The following CEP57 variants were observed in gnomAD, a reference collection of about 807,000 sequenced individuals.
The protein encoded by CEP57 is centrosomal protein of 57 kDa.
A neutral mutation model predicts 68.0 loss-of-function variants in CEP57; 40 were observed. The observed-to-expected ratio is 0.59, with a 90% confidence interval of 0.46 to 0.77. The LOEUF (loss-of-function observed/expected upper bound fraction) is 0.77. CEP57 is among the 30% of genes least tolerant of loss of function. The probability of loss-of-function intolerance (pLI) is 0.00; values close to 1 mark genes in which losing one functional copy is unlikely to be tolerated. For missense variants in CEP57, 606 were observed against 580.7 expected, an observed-to-expected ratio of 1.04 and a Z score of -0.45; for synonymous variants, 219 against 198.7, an observed-to-expected ratio of 1.10 and a Z score of -0.86.
chr11:95,828,153 C>A, intron 9 of CEP57, 126 bp downstream of exon 9: 3 of 1,084,168 alleles, frequency 2.8e-6, no homozygotes, highest in Non-Finnish European at 4.0e-6. Context: ...ATCCTTATAC[C>A]AACCAAGTTA....
At chr11:95,828,436 C>G (rs900172940) in intron 9 of CEP57, among the ~76,000 whole-genome samples, 1 of 152,086 alleles carries the variant, frequency 6.6e-6, no homozygotes, top group Non-Finnish European at 1.5e-5. Flanking sequence ...CTACTAAATA[C>G]TATATGCAGT....
intron 1 of CEP57, among the ~76,000 whole-genome samples, chr11:95,793,967 C>T (rs992513935): frequency 3.9e-5 from 6 of 152,136 alleles, no homozygotes; most frequent in Non-Finnish European, 5.9e-5. Context: ...TCTACAAGAT[C>T]CTTCTGTAAT....
At chr11:95,808,605 CAAAG>C (rs953705019) in intron 2 of CEP57, among the ~76,000 whole-genome samples, 91 of 151,980 alleles carry the variant, frequency 6.0e-4, no homozygotes, top group African/African-American at 1.9e-3. Flanking sequence ...TCAAAAGAGA[CAAAG>C]AAGGCCATTA....
chr11:95,795,965 C>T (rs1800594634), intron 1 of CEP57, among the ~76,000 whole-genome samples: 1 of 152,156 alleles, frequency 6.6e-6, no homozygotes, highest in Admixed American at 6.5e-5. Context: ...GACCCAGTAT[C>T]GATTTCAGCA....
upstream of CEP57, chr11:95,790,394 G>C (rs1370008833): frequency 1.6e-5 from 8 of 492,862 alleles, no homozygotes; most frequent in Middle Eastern, 5.5e-4. Context: ...CCCGTTACGC[G>C]CTACCTTGTG....
chr11:95,813,862 A>T (rs573213397), intron 4 of CEP57, among the ~76,000 whole-genome samples: 8 of 152,216 alleles, frequency 5.3e-5, no homozygotes, highest in Non-Finnish European at 1.0e-4. Flanking sequence ...AAAAAGTGTA[A>T]ATAACCATAT....
In CEP57 at chr11:95,790,731, T is replaced by C. The variant is rs777372995; in HGVS notation, c.33T>C (p.Gly11=). The C allele has an allele frequency of 6.2e-7, 1 of 1,614,036 alleles. No homozygotes were observed. Among genetic ancestry groups the C allele is most frequent in the Non-Finnish European group, 8.5e-7 (1 of 1,179,986 alleles). The change falls in exon 1 of 11, where the codon GGT becomes GGC. Residue 11 remains glycine, a synonymous_variant. Coordinates refer to ENST00000325542, the MANE Select transcript of CEP57 (RefSeq NM_014679.5). The part of the protein sequence containing the change: MAAASVSAAS[G]SHLSNSFAEP... ...CGGCGTCTGTCTCTGCGGCTTCTGG[T>C]TCTCACTTGTCGGTAAGAAGCAGTT...
At chr11:95,815,756 C>T (rs895283263) in intron 4 of CEP57, among the ~76,000 whole-genome samples, 1 of 152,006 alleles carries the variant, frequency 6.6e-6, no homozygotes, top group Non-Finnish European at 1.5e-5. Context: ...CGAGACCAGC[C>T]GGGGCAATAG....
At chr11:95,800,873 A>G (rs1861547802) in intron 2 of CEP57, among the ~76,000 whole-genome samples, 3 of 152,086 alleles carry the variant, frequency 2.0e-5, no homozygotes, top group African/African-American at 4.8e-5. Context: ...AAATACACCT[A>G]CCTCATACTT....
intron 2 of CEP57, among the ~76,000 whole-genome samples, chr11:95,810,528 A>G (rs1002394669): frequency 3.3e-5 from 5 of 152,212 alleles, no homozygotes; most frequent in South Asian, 4.1e-4. Flanking sequence ...TCAATGTGCA[A>G]AAATCACAAG....
chr11:95,823,457 A>G lies in CEP57; in HGVS notation c.885+881A>G, dbSNP rs139252082. Reference sequence around the variant, plus strand: ...TTGCAAACTATAGCTTAGAAATATCAGAAGTTAAGAAAAAGTTGGTATGTC... The same window carrying G: ...TTGCAAACTATAGCTTAGAAATATCGGAAGTTAAGAAAAAGTTGGTATGTC... On this transcript the variant is annotated intron_variant, in intron 8 of 10. Transcript: ENST00000325542. Among the ~76,000 whole-genome samples, 117 of 152,314 alleles carry G rather than the reference A, an allele frequency of 7.7e-4. 1 individual carries two copies. The highest frequency in any genetic ancestry group is 2.7e-3 in the African/African-American group (112 of 41,554).
At chr11:95,795,836 C>T (rs776017632) in intron 1 of CEP57, among the ~76,000 whole-genome samples, 9 of 151,582 alleles carry the variant, frequency 5.9e-5, no homozygotes, top group Non-Finnish European at 1.2e-4. Flanking sequence ...AATTTTATTT[C>T]CTCAACATGT....
At chr11:95,820,150 A>G (rs1337770734) in intron 6 of CEP57, among the ~76,000 whole-genome samples, 3 of 152,220 alleles carry the variant, frequency 2.0e-5, no homozygotes, top group Non-Finnish European at 4.4e-5. Flanking sequence ...AAAATTATTT[A>G]TGGTACTTCT....
intron 2 of CEP57, among the ~76,000 whole-genome samples, chr11:95,810,358 A>C (rs968319912): frequency 6.6e-5 from 10 of 152,182 alleles, no homozygotes; most frequent in African/African-American, 2.4e-4. Context: ...CAGGGCAATC[A>C]GGCAGGAGAA....
chr11:95,799,450 T>C lies in CEP57; in HGVS notation c.202+62T>C, dbSNP rs1307084038. The C allele has an allele frequency of 3.2e-5, 51 of 1,593,338 alleles. 1 individual carries two copies. Among genetic ancestry groups the C allele is most frequent in the Admixed American group, 3.0e-4 (18 of 59,970 alleles). On this transcript the variant is annotated intron_variant, in intron 2 of 10. Transcript: ENST00000325542. The stretch of plus-strand genomic sequence containing the variant: ...TTCTTGCTGCTTTAAAATTCTTAAC[T>C]TTGTCCTCCATTATTTTGCCATTAG...
intron 2 of CEP57, among the ~76,000 whole-genome samples, chr11:95,806,181 A>C (rs1277416761): frequency 6.6e-6 from 1 of 152,206 alleles, no homozygotes. Context: ...CCTAGTCTTA[A>C]TGTTCATTTT....
chr11:95,830,911 T>TGAG (rs33938092), intron 10 of CEP57, 115 bp from the exon 11 acceptor site: 3 of 625,638 alleles, frequency 4.8e-6, no homozygotes, highest in Non-Finnish European at 7.9e-6. Context: ...ATGTATTATT[T>TGAG]TTCAGTTAGC....
At chr11:95,798,451 CAT>C (rs1220938520) in intron 1 of CEP57, among the ~76,000 whole-genome samples, 20 of 152,110 alleles carry the variant, frequency 1.3e-4, no homozygotes, top group African/African-American at 4.8e-4. Context: ...AATTGAAAAA[CAT>C]AGTTTGCTGT....
rs1449799154 is a variant in CEP57, at chr11:95,802,357, CA to C, written c.202+2971del. ...ACAACCTCTGCCTCCCAGGTTCAAGCAATTCTCCTGCCTCAGCCTCCTGAGT... is the reference window on the plus strand; with the variant it reads ...ACAACCTCTGCCTCCCAGGTTCAAGCATTCTCCTGCCTCAGCCTCCTGAGT... On this transcript the variant is annotated intron_variant, in intron 2 of 10. Transcript: ENST00000325542. 2.0e-5 allele frequency among the ~76,000 whole-genome samples: 3 copies of C among 151,488 alleles called. No individual in the cohort carries two copies. The East Asian group carries it at 5.8e-4, about 29-fold the overall frequency.
Sources: gnomAD v4.1 joint callset for allele counts (sites outside exome capture counted in the v4.1 genomes callset) on GRCh38, gnomAD v4.1.1 for gene constraint, MANE v1.5 for transcripts, NCBI Gene and HGNC (gene_info 2026-07-23, HGNC 2026-07-21) for gene names.